The following SEC14L6 variants were observed in gnomAD, a reference collection of about 807,000 sequenced individuals.
SEC14L6 encodes SEC14-like protein 6.
Under a neutral mutation model 54.1 loss-of-function variants are expected in SEC14L6, and 40 were observed. The observed-to-expected ratio is 0.74, with a 90% CI of 0.57 to 0.96. The LOEUF (loss-of-function observed/expected upper bound fraction) is 0.96. Ranked by LOEUF, SEC14L6 falls within the 40% of genes least tolerant of loss-of-function variation. The pLI, the probability that SEC14L6 is intolerant of heterozygous loss-of-function variation, is 0.00. For missense variants in SEC14L6, 471 were observed against 498.3 expected (o/e 0.95, Z 0.52); for synonymous variants, 171 against 198.4 (o/e 0.86, Z 1.16).
At chr22:30,544,058 C>T in intron 1 of SEC14L6, 2 of 1,520,600 alleles carry the variant, frequency 1.3e-6, no homozygotes, top group Non-Finnish European at 1.8e-6. Context: ...TCAGAGTATG[C>T]CAGCATCCAG....
chr22:30,545,629 A>G (rs1402412609), intron 1 of SEC14L6, among the ~76,000 whole-genome samples: 2 of 151,964 alleles, frequency 1.3e-5, no homozygotes, highest in Non-Finnish European at 2.9e-5. Flanking sequence ...ATTTTTTGTA[A>G]AGATGTGTTC....
rs11344017 is a variant in SEC14L6 at position 30,534,414 on chromosome 22, A to AT, written c.131-376dup. ...ACTCTTTAATTTTTACTTAAAAAAA[A>AT]TTTTTTTTTTTTTTTGAGAAGGAGT... is the stretch of plus-strand genomic sequence containing the variant. On this transcript the variant is annotated intron_variant, in intron 2 of 11. Coordinates refer to ENST00000402034, the MANE Select transcript of SEC14L6 (RefSeq NM_001193336.4). Among the ~76,000 whole-genome samples the AT allele has an allele frequency of 2.6e-3, 384 of 145,096 alleles. 7 individuals carry two copies. Among genetic ancestry groups the AT allele is most frequent in the East Asian group, 0.026 (131 of 4,954 alleles).
chr22:30,525,083 T>C lies in SEC14L6; in HGVS notation c.1108A>G (p.Ser370Gly). 6.5e-7 allele frequency: 1 copy of C among 1,549,266 alleles called. No individual in the cohort carries two copies. The highest frequency in any genetic ancestry group is 8.7e-7 in the Non-Finnish European group (1 of 1,145,796). The change falls in exon 12 of 12, where the codon AGC becomes GGC. Residue 370 changes from serine (S) to glycine (G), a missense_variant. Coordinates refer to ENST00000402034, the MANE Select transcript of SEC14L6 (RefSeq NM_001193336.4). ...SYVLRFYNTY[S>G]LVHSKRISYT... ...CTGATGCGTTTAGAATGAACCAGGC[T>C]GTAGGTGTTGTAAAACCTCAGGACA...
Position 30,542,715 on chromosome 22 carries a change from A to G in SEC14L6, c.55-3813T>C. On this transcript the variant is annotated intron_variant, in intron 1 of 11. Coordinates refer to ENST00000402034, the MANE Select transcript of SEC14L6 (RefSeq NM_001193336.4). ...AGAAGTCTGTATCAGTTGCAGCTGG[A>G]GAGTCGGCCGCTCTGCAGTGCACTG... 1.9e-6 allele frequency: 3 copies of G among 1,567,552 alleles called. No homozygotes were observed. In the South Asian group the frequency reaches 3.3e-5, roughly 18 times the overall value.
At chr22:30,539,401 A>C (rs2085657910) in intron 1 of SEC14L6, among the ~76,000 whole-genome samples, 1 of 152,172 alleles carries the variant, frequency 6.6e-6, no homozygotes, top group Admixed American at 6.5e-5. Context: ...CTACTACACT[A>C]AACATCAGAG....
At chr22:30,544,018 CA>C in intron 1 of SEC14L6, 5 of 1,583,224 alleles carry the variant, frequency 3.2e-6, no homozygotes, top group Non-Finnish European at 4.3e-6. Flanking sequence ...GACCCCCAAG[CA>C]GCTGGCCCCC....
intron 1 of SEC14L6, 24 bp downstream of exon 1, chr22:30,546,605 G>A (rs1165403984): frequency 1.3e-6 from 2 of 1,547,562 alleles, no homozygotes; most frequent in African/African-American, 1.4e-5. Context: ...TGAGGCTGGT[G>A]TAGGAGTCTC....
At chr22:30,543,538 A>G in intron 1 of SEC14L6, 2 of 1,613,416 alleles carry the variant, frequency 1.2e-6, no homozygotes, top group East Asian at 2.2e-5. Context: ...ATCTGCCCAC[A>G]GGGATGATGT....
rs776097147 is a variant in SEC14L6, at chr22:30,525,709, G to A, written c.813C>T (p.Cys271=). The A allele has an allele frequency of 1.9e-6, 3 of 1,613,916 alleles. No individual in the cohort carries two copies. Among genetic ancestry groups the A allele is most frequent in the Non-Finnish European group, 2.5e-6 (3 of 1,179,964 alleles). Residue 271 remains cysteine, a synonymous_variant, in exon 10 of 12, where the codon TGC becomes TGT. Coordinates refer to ENST00000402034, the MANE Select transcript of SEC14L6 (RefSeq NM_001193336.4). ...GCTCATACTGCAGCCTCACCTGCTTGCACAGGTAGTAGCTCTTGGGCACCT... is the reference window on the plus strand; with the variant it reads ...GCTCATACTGCAGCCTCACCTGCTTACACAGGTAGTAGCTCTTGGGCACCT... ...GGEVPKSYYL[C]KQVRLQYEHT...
At chr22:30,543,115 A>G in intron 1 of SEC14L6, 1 of 1,603,438 alleles carries the variant, frequency 6.2e-7, no homozygotes, top group Non-Finnish European at 8.5e-7. Context: ...CATCAGCCTG[A>G]AATGGTTCAA....
At chr22:30,530,394 G>A (rs374861775) in intron 6 of SEC14L6, among the ~76,000 whole-genome samples, 127 of 152,186 alleles carry the variant, frequency 8.3e-4, no homozygotes, top group Admixed American at 3.7e-3. Context: ...GTGAGACTCC[G>A]TCTCAAAAAA....
chr22:30,525,936 C>T lies in SEC14L6; in HGVS notation c.665-4G>A. ...GTCAGCTCCTGCTTCCAGTTGTCTG[C>T]ATGGGAGCAAGAGAGGGACTCCAAA... On this transcript the variant is annotated splice_region_variant and splice_polypyrimidine_tract_variant and intron_variant, in intron 8 of 11. Transcript: ENST00000402034. 9 of 1,595,956 alleles carry T rather than the reference C, an allele frequency of 5.6e-6. No individual in the cohort carries two copies. The highest frequency in any genetic ancestry group is 7.7e-6 in the Non-Finnish European group (9 of 1,169,966).
chr22:30,538,798 C>G (rs575173410), intron 2 of SEC14L6, 29 bp downstream of exon 2: 89 of 1,494,538 alleles, frequency 6.0e-5, no homozygotes, highest in Non-Finnish European at 8.1e-5. Flanking sequence ...TGCCATTGAC[C>G]CTACCCCAGC....
At chr22:30,541,320 A>G (rs5749122) in intron 1 of SEC14L6, among the ~76,000 whole-genome samples, 89,051 of 152,014 alleles carry the variant, frequency 0.59, 26,467 homozygotes, top group Middle Eastern at 0.64. Context: ...TCCCAGCTTT[A>G]TTAAGGTATG....
chr22:30,535,194 A>G (rs886080664), intron 2 of SEC14L6, among the ~76,000 whole-genome samples: 3 of 152,186 alleles, frequency 2.0e-5, no homozygotes, highest in Non-Finnish European at 4.4e-5. Flanking sequence ...AAAAACACCC[A>G]GTGGATGTTA....
Position 30,546,700 on chromosome 22 carries a change from C to T in SEC14L6, c.-18G>A, listed in dbSNP as rs1372383775. The T allele has an allele frequency of 6.5e-7, 1 of 1,549,416 alleles. No homozygotes were observed. Among genetic ancestry groups the T allele is most frequent in the African/African-American group, 1.4e-5 (1 of 73,010 alleles). On this transcript the variant is annotated 5_prime_UTR_variant, in exon 1 of 12. Coordinates refer to ENST00000402034, the MANE Select transcript of SEC14L6 (RefSeq NM_001193336.4). ...CCACTCATGCTGCCCATGAATGGGT[C>T]CAGGCTCCACTCTGTGGCTCCCTCC...
rs137955219 is a variant in SEC14L6, at chr22:30,532,633, G to T, written c.315C>A (p.Ser105Arg). Residue 105 changes from serine (S) to arginine (R), a missense_variant, in exon 5 of 12, where the codon AGC (serine) becomes AGA (arginine). Transcript: ENST00000402034. ...AGAGCAAGAGGCCTTTGGGGTCCAGGCTTCCCACAATGTGGTACCAGACAG... is the reference window on the plus strand; with the variant it reads ...AGAGCAAGAGGCCTTTGGGGTCCAGTCTTCCCACAATGTGGTACCAGACAG... ...GSPVWYHIVG[S>R]LDPKGLLLSA... is the part of the protein sequence containing the mutation. 1.9e-6 allele frequency: 3 copies of T among 1,550,728 alleles called. No individual in the cohort carries two copies. Among genetic ancestry groups the T allele is most frequent in the Middle Eastern group, 3.3e-4 (2 of 5,994 alleles).
chr22:30,525,497 C>G lies in SEC14L6; in HGVS notation c.934G>C (p.Gly312Arg), dbSNP rs757246246. Reference sequence around the variant, plus strand: ...AGGAAAACCCCAAAGCCAATGTCCCCACCATCTGAAGCAAACTGCCACCTG... The same window carrying G: ...AGGAAAACCCCAAAGCCAATGTCCCGACCATCTGAAGCAAACTGCCACCTG... ...VLRWQFASDG[G>R]DIGFGVFLKT... The change falls in exon 11 of 12, where the codon GGG becomes CGG. Residue 312 changes from glycine to arginine, a missense_variant. By Grantham distance (125) the Gly-to-Arg change is moderately radical (BLOSUM62 -2). Transcript: ENST00000402034. 20 of 1,614,038 alleles carry G rather than the reference C, an allele frequency of 1.2e-5. No homozygotes were observed. The Admixed American group carries it at 3.3e-4, about 27-fold the overall frequency.
chr22:30,531,373 C>T (rs1204162255), intron 6 of SEC14L6, among the ~76,000 whole-genome samples: 1 of 151,506 alleles, frequency 6.6e-6, no homozygotes, highest in Non-Finnish European at 1.5e-5. Context: ...CACCACTTGA[C>T]TCCAACCTGG....
Sources: allele counts gnomAD v4.1 joint callset (sites outside exome capture counted in the v4.1 genomes callset), GRCh38; gene constraint gnomAD v4.1.1; transcripts MANE v1.5; gene names NCBI Gene and HGNC (gene_info 2026-07-23, HGNC 2026-07-21).